Variants in SV2A observed in about 807,000 individuals in gnomAD.
SV2A encodes solute carrier family 22 member B1.
A neutral mutation model predicts 78.0 loss-of-function variants in SV2A; 25 were observed. That is an observed-to-expected ratio of 0.32 (90% CI 0.23 to 0.45). SV2A has a LOEUF of 0.45. Among genes scored for constraint, SV2A ranks in the 20% least tolerant of loss-of-function variants. The pLI, the probability that SV2A is intolerant of heterozygous loss-of-function variation, is 1.00. For missense variants in SV2A, 752 were observed against 971.5 expected (o/e 0.77, Z 3.00); for synonymous variants, 355 against 384.7 (o/e 0.92, Z 0.90).
intron 2 of SV2A, 82 bp from the exon 3 acceptor site, chr1:149,912,062 G>A: frequency 1.4e-6 from 2 of 1,404,352 alleles, no homozygotes; most frequent in South Asian, 1.4e-5. Context: ...TGAGGGAGCT[G>A]AAGGATCTGA....
intron 11 of SV2A, 102 bp from the exon 12 acceptor site, chr1:149,906,141 G>C (rs971350418): frequency 3.5e-6 from 5 of 1,416,462 alleles, no homozygotes; most frequent in Admixed American, 4.3e-5. Flanking sequence ...CCCAGGATGA[G>C]ACTTGTTCCG....
In SV2A at chr1:149,908,128, C is replaced by T. The variant is rs782671277; in HGVS notation, c.1458G>A (p.Val486=). ...QAVDYASRTK[V]FPGERVEHVT... is the part of the protein sequence containing the mutation. ...CATGCTCTACGCGCTCCCCGGGGAA[C>T]ACTTTGGTGCGGGATGCGTAGTCCA... Residue 486 remains valine (V), a synonymous_variant, in exon 9 of 13, where the codon GTG becomes GTA. Transcript: ENST00000369146. 2.5e-6 allele frequency: 4 copies of T among 1,614,194 alleles called. No homozygotes were observed. The highest frequency in any genetic ancestry group is 3.4e-6 in the Non-Finnish European group (4 of 1,180,040).
intron 6 of SV2A, 35 bp downstream of exon 6, chr1:149,909,766 G>T: frequency 1.9e-6 from 3 of 1,607,028 alleles, no homozygotes; most frequent in South Asian, 1.1e-5. Flanking sequence ...GGGCTGCAGG[G>T]CGTGGAGGTC....
At chr1:149,905,754 A>C (rs1553762624) in intron 12 of SV2A, 126 bp downstream of exon 12, 3 of 1,365,964 alleles carry the variant, frequency 2.2e-6, no homozygotes, top group Non-Finnish European at 3.0e-6. Flanking sequence ...AAGCTACCAG[A>C]TTTTAGAGGA....
At chr1:149,909,406 G>T in intron 7 of SV2A, 55 bp downstream of exon 7, 2 of 1,568,956 alleles carry the variant, frequency 1.3e-6, no homozygotes, top group Non-Finnish European at 1.8e-6. Context: ...CTTCAGTCCT[G>T]CCTTCTTCTC....
In SV2A at chr1:149,904,730, CAG is replaced by C. The variant is rs1409368670; in HGVS notation, c.*282_*283del. On this transcript the variant is annotated 3_prime_UTR_variant, in exon 13 of 13. Coordinates refer to ENST00000369146, the MANE Select transcript of SV2A (RefSeq NM_014849.5). The stretch of plus-strand genomic sequence containing the variant: ...CAGGGAAGCAAGGGCCCCTCTCTAA[CAG>C]GGGGAGAAGGATGGGGCTCAGCCTT... The C allele has an allele frequency of 1.8e-5, 6 of 342,264 alleles. No individual in the cohort carries two copies. Among genetic ancestry groups the C allele is most frequent in the East Asian group, 5.3e-5 (1 of 19,010 alleles). The allele number at this position is 342,264 out of a possible 1,614,324, so 21.2% of individuals were successfully genotyped here. A position where few individuals can be genotyped will look rare whatever the true frequency, so the allele number is the denominator to read the frequency against.
chr1:149,911,723 C>T, intron 3 of SV2A, 77 bp downstream of exon 3: 2 of 1,437,834 alleles, frequency 1.4e-6, no homozygotes, highest in Non-Finnish European at 1.9e-6. Flanking sequence ...GTGCCTGGCA[C>T]TGTGCTGGGC....
intron 8 of SV2A, 70 bp from the exon 9 acceptor site, chr1:149,908,276 G>T: frequency 6.4e-7 from 1 of 1,550,750 alleles, no homozygotes; most frequent in Admixed American, 1.9e-5. Flanking sequence ...GAATCAGGCA[G>T]AGGAGAAAAC....
chr1:149,912,222 C>G (rs587670571), intron 2 of SV2A, among the ~76,000 whole-genome samples: 1 of 152,288 alleles, frequency 6.6e-6, no homozygotes. Flanking sequence ...CCACTCTCTT[C>G]GGTCTGTCTC....
chr1:149,910,348 A>G lies in SV2A; in HGVS notation c.1089+222T>C, dbSNP rs626785. Among the ~76,000 whole-genome samples, 36,254 of 152,132 alleles carry G rather than the reference A, an allele frequency of 0.24. 5,245 individuals carry two copies. The highest frequency in any genetic ancestry group is 0.41 in the African/African-American group (16,996 of 41,456). On this transcript the variant is annotated intron_variant, in intron 5 of 12. Coordinates refer to ENST00000369146, the MANE Select transcript of SV2A (RefSeq NM_014849.5). The surrounding 1 kb of genome is among the most constrained non-coding windows in gnomAD (Gnocchi z 4.2). ...GCAAAATCTTAAGTCATCCATGGGTAAAGAGGTCCCCTGGTTTCTCCACCC... is the reference window on the plus strand; with the variant it reads ...GCAAAATCTTAAGTCATCCATGGGTGAAGAGGTCCCCTGGTTTCTCCACCC...
intron 6 of SV2A, 54 bp downstream of exon 6, chr1:149,909,747 T>G (rs938446130): frequency 6.3e-7 from 1 of 1,591,476 alleles, no homozygotes; most frequent in Non-Finnish European, 8.6e-7. Flanking sequence ...AGGGGCCAGG[T>G]AGGGGCTGGG....
Position 149,909,483 on chromosome 1 carries a change from C to T in SV2A, c.1268G>A (p.Arg423Gln), listed in dbSNP as rs1176372646. 7.4e-6 allele frequency: 12 copies of T among 1,613,790 alleles called. No individual in the cohort carries two copies. Among genetic ancestry groups the T allele is most frequent in the African/African-American group, 6.7e-5 (5 of 74,826 alleles). ...TGTWYQRWGV[R>Q]ALSLGGQVWG... ...TACCTGCCCCCCTAGGCTCAAGGCCCGGACCCCCCAGCGCTGGTACCAGGT... is the reference window on the plus strand; with the variant it reads ...TACCTGCCCCCCTAGGCTCAAGGCCTGGACCCCCCAGCGCTGGTACCAGGT... Residue 423 changes from arginine to glutamine, a missense_variant, in exon 7 of 13, where the codon CGG (arginine) becomes CAG (glutamine). Arg to Gln is a conservative substitution (Grantham distance 43). Transcript: ENST00000369146.
At chr1:149,907,637 G>A in intron 10 of SV2A, 63 bp downstream of exon 10, 1 of 1,565,546 alleles carries the variant, frequency 6.4e-7, no homozygotes, top group Non-Finnish European at 8.7e-7. Flanking sequence ...AATGAAAAAG[G>A]TTCCTTCTCA....
Position 149,910,060 on chromosome 1 carries a change from G to A in SV2A, c.1090-170C>T, listed in dbSNP as rs1349387607. ...TGGGCATGCACTCACCACTCTGAAA[G>A]AGCCCCAAGCTGAGGTATAGCAAGA... On this transcript the variant is annotated intron_variant, in intron 5 of 12. Coordinates refer to ENST00000369146, the MANE Select transcript of SV2A (RefSeq NM_014849.5). This position sits in a 1 kb window ranked among gnomAD's most constrained non-coding sequence, Gnocchi z 4.2. 1.3e-5 allele frequency among the ~76,000 whole-genome samples: 2 copies of A among 152,112 alleles called. No homozygotes were observed. The highest frequency in any genetic ancestry group is 4.8e-5 in the African/African-American group (2 of 41,398).
Position 149,913,534 on chromosome 1 carries a change from G to A in SV2A, c.307C>T (p.Arg103Trp), listed in dbSNP as rs144624887. Residue 103 changes from arginine to tryptophan, a missense_variant, in exon 2 of 13, where the codon CGG becomes TGG. Coordinates refer to ENST00000369146, the MANE Select transcript of SV2A (RefSeq NM_014849.5). ...TCGCCTTTGCCCCCAGACTCTGCCC[G>A]GGGAATGCCCTGATATTCCCCTTCA... is the stretch of plus-strand genomic sequence containing the variant. ...IYEGEYQGIPRAESGGKGERM... is the reference protein window; with the variant it reads ...IYEGEYQGIPWAESGGKGERM... The A allele has an allele frequency of 4.0e-5, 65 of 1,612,258 alleles. No individual in the cohort carries two copies. Among genetic ancestry groups the A allele is most frequent in the Middle Eastern group, 1.6e-4 (1 of 6,062 alleles).
chr1:149,908,740 C>T (rs2092455281), intron 8 of SV2A, among the ~76,000 whole-genome samples: 1 of 152,328 alleles, frequency 6.6e-6, no homozygotes, highest in East Asian at 1.9e-4. Flanking sequence ...CGGATTCACA[C>T]CATTCTCCTG....
At chr1:149,916,225 C>T (rs1214434594) in intron 1 of SV2A, among the ~76,000 whole-genome samples, 1 of 152,160 alleles carries the variant, frequency 6.6e-6, no homozygotes, top group Admixed American at 6.5e-5. Flanking sequence ...TGTTTGTTGA[C>T]CCTATTTCCC....
At chr1:149,905,513 G>A (rs2092431785) in intron 12 of SV2A, 1 of 309,562 alleles carries the variant, frequency 3.2e-6, no homozygotes, top group Non-Finnish European at 6.0e-6. Flanking sequence ...GAGTGCAGTG[G>A]TGCGATCTCG....
At chr1:149,909,405 T>C in intron 7 of SV2A, 56 bp downstream of exon 7, 1 of 1,571,154 alleles carries the variant, frequency 6.4e-7, no homozygotes, top group Non-Finnish European at 8.8e-7. Flanking sequence ...ACTTCAGTCC[T>C]GCCTTCTTCT....
Sources: gnomAD v4.1 joint callset for allele counts (sites outside exome capture counted in the v4.1 genomes callset) on GRCh38, gnomAD v4.1.1 for gene constraint, Gnocchi (gnomAD v3.1) non-coding constraint, MANE v1.5 for transcripts, NCBI Gene and HGNC (gene_info 2026-07-23, HGNC 2026-07-21) for gene names.